Variants in PKD1L3 observed in about 807,000 individuals in gnomAD.
The protein encoded by PKD1L3 is polycystin 1 like 3, transient receptor potential channel interacting, also known as polycystin-1-like protein 3.
PKD1L3 carries 239 observed loss-of-function variants against 184.1 expected under a neutral mutation model. The observed-to-expected ratio is 1.30, with a 90% confidence interval of 1.17 to 1.45. The LOEUF (loss-of-function observed/expected upper bound fraction) is 1.45. Among genes scored for constraint, PKD1L3 ranks in the 40% most tolerant of loss-of-function variants. The probability of loss-of-function intolerance (pLI) is 0.00; values close to 1 mark genes in which losing one functional copy is unlikely to be tolerated. For missense variants in PKD1L3, 2,660 were observed against 2,067.2 expected (o/e 1.29, Z -5.56); for synonymous variants, 996 against 778.8 (o/e 1.28, Z -4.64).
chr16:71,958,629 A>T (rs1000473914), intron 16 of PKD1L3, among the ~76,000 whole-genome samples: 11 of 150,134 alleles, frequency 7.3e-5, no homozygotes, highest in African/African-American at 2.7e-4. Flanking sequence ...AAAAATAGAA[A>T]AATTAGCCAG....
In PKD1L3 at chr16:71,980,106, A is replaced by C; in HGVS notation, c.1172T>G (p.Val391Gly). ...TGCTTCCCCGATATTCCCAAACTCC[A>C]CCAAGGACATTTCCAGGATGTCTTC... The part of the protein sequence containing the change: ...PVEDILEMSL[V>G]EFGNIGEAFL... The change falls in exon 8 of 30, where the codon GTG becomes GGG. Residue 391 changes from valine (V) to glycine (G), a missense_variant. Coordinates refer to ENST00000620267, the MANE Select transcript of PKD1L3 (RefSeq NM_181536.2). 1 of 1,551,664 alleles carries C rather than the reference A, an allele frequency of 6.4e-7. No individual in the cohort carries two copies. Among genetic ancestry groups the C allele is most frequent in the Non-Finnish European group, 8.7e-7 (1 of 1,146,940 alleles).
chr16:71,965,555 ATTTT>A (rs34451176), intron 15 of PKD1L3, among the ~76,000 whole-genome samples: 5 of 136,908 alleles, frequency 3.7e-5, no homozygotes, highest in South Asian at 4.8e-4. Context: ...TTTTGTGAGA[ATTTT>A]TTTTTTTTTT....
Position 71,935,364 on chromosome 16 carries a change from T to G in PKD1L3, c.4607A>C (p.Gln1536Pro), listed in dbSNP as rs2038137284. Residue 1536 changes from glutamine (Q) to proline (P), a missense_variant, in exon 26 of 30, where the codon CAG becomes CCG. Coordinates refer to ENST00000620267, the MANE Select transcript of PKD1L3 (RefSeq NM_181536.2). ...CCCTCAGGCTTCCTCTCACCTGTCC[T>G]GGTCATCGCGGTATCGTGCCATGTT... ...KKNMARYRDD[Q>P]DRFISFYEAV... The G allele has an allele frequency of 1.9e-6, 3 of 1,551,542 alleles. No individual in the cohort carries two copies. The East Asian group carries it at 7.3e-5, about 38-fold the overall frequency.
In PKD1L3 at chr16:71,937,307, G is replaced by T; in HGVS notation, c.4437C>A (p.Tyr1479Ter). 1 of 1,551,432 alleles carries T rather than the reference G, an allele frequency of 6.4e-7. No homozygotes were observed. The highest frequency in any genetic ancestry group is 8.7e-7 in the Non-Finnish European group (1 of 1,146,888). ...SQVIYYLLVC[Y>*]YAFIQGCQLK... ...ATTGACTCACCTGTATGAAGGCATA[G>T]TAACAGACCAGTAGATAATAGATGA... is the stretch of plus-strand genomic sequence containing the variant. The change falls in exon 25 of 30, where the codon TAC becomes TAA. Residue 1479 changes from tyrosine (Y) to a stop codon, truncating the protein, a stop_gained. Coordinates refer to ENST00000620267, the MANE Select transcript of PKD1L3 (RefSeq NM_181536.2). LOFTEE classifies it high-confidence loss of function.
intron 19 of PKD1L3, among the ~76,000 whole-genome samples, chr16:71,950,942 C>T (rs916475265): frequency 2.8e-4 from 42 of 149,276 alleles, no homozygotes; most frequent in African/African-American, 9.9e-4. Context: ...AGGGTTTTGT[C>T]ACATTGGCCA....
chr16:71,945,279 TATATATATATATATATATATATATATAC>T (rs1271371991), intron 22 of PKD1L3, among the ~76,000 whole-genome samples: 3 of 56,070 alleles, frequency 5.4e-5, no homozygotes, highest in Admixed American at 2.4e-4. Flanking sequence ...TATATATATA[TATATATATATATATATATATATATATAC>T]ACACACACAC....
At chr16:71,938,416 G>C (rs1481316153) in intron 24 of PKD1L3, among the ~76,000 whole-genome samples, 1 of 152,176 alleles carries the variant, frequency 6.6e-6, no homozygotes, top group Non-Finnish European at 1.5e-5. Flanking sequence ...GGCACCATGG[G>C]TGACATGGAT....
chr16:71,939,539 G>A (rs1268258734), intron 24 of PKD1L3, among the ~76,000 whole-genome samples: 1 of 152,192 alleles, frequency 6.6e-6, no homozygotes, highest in African/African-American at 2.4e-5. Flanking sequence ...CACCTAGCTA[G>A]CTCTCAAGAC....
intron 4 of PKD1L3, among the ~76,000 whole-genome samples, chr16:71,989,053 AATC>A (rs1306315753): frequency 5.3e-5 from 8 of 152,222 alleles, no homozygotes; most frequent in Non-Finnish European, 1.2e-4. Context: ...CTTTAACTGA[AATC>A]ATCAATATAG....
At chr16:71,983,759 G>A (rs1358158325) in intron 6 of PKD1L3, among the ~76,000 whole-genome samples, 1 of 139,032 alleles carries the variant, frequency 7.2e-6, no homozygotes, top group Non-Finnish European at 1.5e-5. Context: ...TGCCTCCTGG[G>A]TTCAAGTGAT....
intron 6 of PKD1L3, among the ~76,000 whole-genome samples, chr16:71,983,620 T>TAA (rs2040241698): frequency 6.6e-6 from 1 of 151,002 alleles, no homozygotes; most frequent in Admixed American, 6.6e-5. Context: ...ACAGTCTTTA[T>TAA]AATGCTAAGC....
chr16:71,937,779 C>T (rs980387193), intron 24 of PKD1L3, among the ~76,000 whole-genome samples: 5 of 152,106 alleles, frequency 3.3e-5, no homozygotes, highest in Admixed American at 2.6e-4. Flanking sequence ...AACGGTATCC[C>T]ATGGATACTC....
At chr16:71,967,026 A>G (rs2039524546) in intron 15 of PKD1L3, 111 bp downstream of exon 15, 8 of 1,204,064 alleles carry the variant, frequency 6.6e-6, no homozygotes, top group Non-Finnish European at 9.1e-6. Flanking sequence ...TCTAATAGTC[A>G]TTTGTTACTA....
chr16:71,950,365 T>C, intron 19 of PKD1L3, 55 bp from the exon 20 acceptor site: 1 of 1,408,568 alleles, frequency 7.1e-7, no homozygotes, highest in South Asian at 1.4e-5. Context: ...TAAGAAGCAA[T>C]TAGTGGTAGA....
chr16:71,997,123 G>GT (rs1218533879), intron 2 of PKD1L3, among the ~76,000 whole-genome samples: 2 of 152,066 alleles, frequency 1.3e-5, no homozygotes, highest in African/African-American at 4.8e-5. Flanking sequence ...GACCACAGTG[G>GT]TTTAATCATT....
chr16:71,973,189 T>C, intron 12 of PKD1L3, 135 bp downstream of exon 12: 3 of 1,104,362 alleles, frequency 2.7e-6, no homozygotes, highest in Non-Finnish European at 1.3e-6. Flanking sequence ...TCCTCCCTCC[T>C]TTTGCCCAGG....
intron 15 of PKD1L3, among the ~76,000 whole-genome samples, chr16:71,966,592 A>AT (rs960320297): frequency 9.9e-5 from 15 of 151,412 alleles, no homozygotes; most frequent in Admixed American, 2.0e-4. Context: ...ATGCCTGGCG[A>AT]TTTTTTTTGA....
At chr16:71,943,537 CAAA>C (rs10693124) in intron 23 of PKD1L3, among the ~76,000 whole-genome samples, 4 of 84,524 alleles carry the variant, frequency 4.7e-5, no homozygotes, top group Admixed American at 1.5e-4. Context: ...GACTCCGTCT[CAAA>C]AAAAAAAAAA....
At chr16:71,991,734 A>G (rs903895263) in intron 3 of PKD1L3, among the ~76,000 whole-genome samples, 1 of 152,246 alleles carries the variant, frequency 6.6e-6, no homozygotes, top group Non-Finnish European at 1.5e-5. Context: ...TCTTGATTCA[A>G]AAAAGATGTG....
Sources: allele counts gnomAD v4.1 joint callset (sites outside exome capture counted in the v4.1 genomes callset), GRCh38; gene constraint gnomAD v4.1.1; transcripts MANE v1.5; gene names NCBI Gene and HGNC (gene_info 2026-07-23, HGNC 2026-07-21).